SENP6: variants seen among roughly 807,000 people sequenced by gnomAD.
The protein encoded by SENP6 is SUMO specific peptidase 6.
SENP6 carries 41 observed loss-of-function variants against 134.5 expected under a neutral mutation model. The observed-to-expected ratio is 0.30, with a 90% CI of 0.24 to 0.40. The LOEUF (loss-of-function observed/expected upper bound fraction) is 0.40. Among genes scored for constraint, SENP6 ranks in the 10% least tolerant of loss-of-function variants. The pLI is 1.00. For synonymous variants in SENP6, 395 were observed against 429.8 expected, an observed-to-expected ratio of 0.92 and a Z score of 1.00; for missense variants, 1,248 against 1,312.5, an observed-to-expected ratio of 0.95 and a Z score of 0.76.
intron 19 of SENP6, among the ~76,000 whole-genome samples, chr6:75,708,067 TCTC>T (rs774777884): frequency 2.1e-4 from 32 of 152,134 alleles, no homozygotes; most frequent in Non-Finnish European, 3.5e-4. Flanking sequence ...TCTTTTCTCT[TCTC>T]CTTTTTTGAG....
intron 8 of SENP6, 86 bp from the exon 9 acceptor site, chr6:75,663,134 GT>G (rs1771908954): frequency 7.9e-7 from 1 of 1,268,162 alleles, no homozygotes. Flanking sequence ...GGAACTTAAA[GT>G]TTATGAACAC....
chr6:75,625,112 CTTTTTTTTT>C (rs34953351), intron 3 of SENP6, among the ~76,000 whole-genome samples: 1 of 112,174 alleles, frequency 8.9e-6, no homozygotes, highest in African/African-American at 3.4e-5. Context: ...TGTGTGTGTC[CTTTTTTTTT>C]TTTTTTTTTT....
rs1400144549 is a variant in SENP6 at position 75,702,835 on chromosome 6, A to C, written c.2479A>C (p.Met827Leu). The change falls in exon 19 of 24, where the codon ATG becomes CTG. Residue 827 changes from methionine (M) to leucine (L), a missense_variant. Met to Leu is a conservative substitution (Grantham distance 15). Around this residue, in one of 3 missense-constraint regions of SENP6, gnomAD observed 386 missense variants for 395.0 expected, o/e 0.98. Transcript: ENST00000447266. The part of the protein sequence containing the change: ...NSSAKPVIKK[M>L]LNKKHCIAVI... ...TTCTGCCAAGCCTGTAATTAAGAAG[A>C]TGCTAAACAAAAAACATTGCATAGC... The C allele has an allele frequency of 6.2e-7, 1 of 1,614,070 alleles. No individual in the cohort carries two copies. Among genetic ancestry groups the C allele is most frequent in the Non-Finnish European group, 8.5e-7 (1 of 1,180,030 alleles).
At chr6:75,609,448 G>A (rs1031065198) in intron 1 of SENP6, among the ~76,000 whole-genome samples, 2 of 152,198 alleles carry the variant, frequency 1.3e-5, no homozygotes, top group Non-Finnish European at 2.9e-5. Flanking sequence ...AAAGAATACA[G>A]AGCCAGCCCT....
rs1261866098 is a variant in SENP6 at position 75,715,650 on chromosome 6, G to A, written c.*56G>A. ...AGAAACTAAATGACTTTCAAATTTG[G>A]GTATAGACAATAAAGAACTGAAGTG... On this transcript the variant is annotated 3_prime_UTR_variant, in exon 24 of 24. Coordinates refer to ENST00000447266, the MANE Select transcript of SENP6 (RefSeq NM_015571.4). The A allele has an allele frequency of 7.2e-7, 1 of 1,392,890 alleles. No individual in the cohort carries two copies. The highest frequency in any genetic ancestry group is 1.0e-6 in the Non-Finnish European group (1 of 999,972). 86.3% of individuals were successfully genotyped at this position (1,392,890 alleles called of 1,614,324 possible).
chr6:75,679,109 C>CTA, intron 16 of SENP6, 182 bp downstream of exon 16: 1 of 476,956 alleles, frequency 2.1e-6, no homozygotes, highest in South Asian at 2.6e-5. Context: ...AGAATTCTAT[C>CTA]TAAAAAGTTG....
intron 2 of SENP6, among the ~76,000 whole-genome samples, chr6:75,623,670 TTAA>T (rs1447148049): frequency 3.3e-5 from 5 of 152,200 alleles, no homozygotes; most frequent in Non-Finnish European, 5.9e-5. Flanking sequence ...CCTAATTCAG[TTAA>T]TAATTTTTAT....
intron 1 of SENP6, among the ~76,000 whole-genome samples, chr6:75,605,259 A>G (rs1450667789): frequency 6.6e-6 from 1 of 152,164 alleles, no homozygotes; most frequent in Non-Finnish European, 1.5e-5. Context: ...TGCTCATCAC[A>G]TTTACAGCAT....
At chr6:75,704,010 G>A (rs1041444473) in intron 19 of SENP6, among the ~76,000 whole-genome samples, 1 of 152,080 alleles carries the variant, frequency 6.6e-6, no homozygotes, top group Non-Finnish European at 1.5e-5. Flanking sequence ...TTTACACATT[G>A]GTAAATTGAG....
At position 75,666,840 on chromosome 6, in the gene SENP6, A is replaced by T; in HGVS notation, c.1123A>T (p.Asn375Tyr). Residue 375 changes from asparagine (N) to tyrosine (Y), a missense_variant, in exon 10 of 24, where the codon AAT becomes TAT. Physicochemically the swap from Asn to Tyr is moderately radical, Grantham distance 143 (BLOSUM62 -2). Coordinates refer to ENST00000447266, the MANE Select transcript of SENP6 (RefSeq NM_015571.4). ...CACTGGAAAAGTAGAAGCAGCGCTA[A>T]ATGAAAATACTTGCAGAGCAGAGCG... ...PSTGKVEAAL[N>Y]ENTCRAEREL... 1 of 1,613,856 alleles carries T rather than the reference A, an allele frequency of 6.2e-7. No individual in the cohort carries two copies. Among genetic ancestry groups the T allele is most frequent in the Non-Finnish European group, 8.5e-7 (1 of 1,179,764 alleles).
At chr6:75,666,206 A>G (rs1277256198) in intron 9 of SENP6, among the ~76,000 whole-genome samples, 2 of 131,138 alleles carry the variant, frequency 1.5e-5, no homozygotes, top group Non-Finnish European at 3.5e-5. Flanking sequence ...CGTATATATG[A>G]TATATATAAG....
intron 1 of SENP6, among the ~76,000 whole-genome samples, chr6:75,619,772 T>A (rs1768125637): frequency 6.6e-6 from 1 of 152,066 alleles, no homozygotes. Context: ...TCCTAGCCAA[T>A]ACTTGTTACT....
intron 7 of SENP6, among the ~76,000 whole-genome samples, chr6:75,651,844 C>T (rs561187001): frequency 6.6e-6 from 1 of 152,218 alleles, no homozygotes; most frequent in South Asian, 2.1e-4. Flanking sequence ...AGATGACAGA[C>T]ATGGAACCAG....
chr6:75,634,846 A>G (rs762337536), intron 5 of SENP6, 35 bp downstream of exon 5: 32 of 1,349,706 alleles, frequency 2.4e-5, no homozygotes, highest in Non-Finnish European at 3.3e-5. Context: ...TAGTATATAC[A>G]TGGCATCTTC....
Position 75,602,327 on chromosome 6 carries a change from C to T in SENP6, c.-198C>T, listed in dbSNP as rs955781060. On this transcript the variant is annotated 5_prime_UTR_variant, in exon 1 of 24. Coordinates refer to ENST00000447266, the MANE Select transcript of SENP6 (RefSeq NM_015571.4). ...GGCCGCGGGCCTCGCTGCCCGCCAG[C>T]CCGCGGACAGGCCCGGGCGCGCCTG... 1.8e-5 allele frequency: 9 copies of T among 494,040 alleles called. No individual in the cohort carries two copies. The highest frequency in any genetic ancestry group is 8.4e-5 in the Admixed American group (2 of 23,740). The allele number at this position is 494,040 out of a possible 1,614,324, so 30.6% of individuals were successfully genotyped here. A position where few individuals can be genotyped will look rare whatever the true frequency, so the allele number is the denominator to read the frequency against.
intron 16 of SENP6, among the ~76,000 whole-genome samples, chr6:75,692,468 A>C (rs932910229): frequency 9.6e-5 from 7 of 72,542 alleles, no homozygotes; most frequent in Non-Finnish European, 1.8e-4. Flanking sequence ...AAAAACATAC[A>C]AAAAAAAAAT....
In SENP6 at chr6:75,702,760, A is replaced by T; in HGVS notation, c.2404A>T (p.Ser802Cys). The T allele has an allele frequency of 6.2e-7, 1 of 1,614,136 alleles. No individual in the cohort carries two copies. The highest frequency in any genetic ancestry group is 8.5e-7 in the Non-Finnish European group (1 of 1,180,000). ...VIQKCSTVED[S>C]CISSSASEME... Reference sequence around the variant, plus strand: ...ACAGAAATGTTCAACTGTAGAGGACAGTTGTATTTCTTCTTCAGCCAGTGA... The same window carrying T: ...ACAGAAATGTTCAACTGTAGAGGACTGTTGTATTTCTTCTTCAGCCAGTGA... Residue 802 changes from serine (S) to cysteine (C), a missense_variant, in exon 19 of 24, where the codon AGT (serine) becomes TGT (cysteine). Transcript: ENST00000447266.
intron 16 of SENP6, among the ~76,000 whole-genome samples, chr6:75,690,730 G>GT (rs144066090): frequency 0.078 from 11,601 of 148,660 alleles, 978 homozygotes; most frequent in African/African-American, 0.22. Flanking sequence ...GTCTCGCTCT[G>GT]TCACCCAGGC....
Position 75,715,883 on chromosome 6 carries a change from TAAA to T in SENP6, c.*292_*294del, listed in dbSNP as rs1233208567. 3.1e-5 allele frequency: 6 copies of T among 195,014 alleles called. No homozygotes were observed. Among genetic ancestry groups the T allele is most frequent in the Non-Finnish European group, 6.3e-5 (6 of 95,980 alleles). 12.1% of individuals were successfully genotyped at this position (195,014 alleles called of 1,614,324 possible). ...TAAAATTGCAACTTCTAAACACAAA[TAAA>T]AAGAAAATATTTATAGGAGGAAATG... On this transcript the variant is annotated 3_prime_UTR_variant, in exon 24 of 24. Coordinates refer to ENST00000447266, the MANE Select transcript of SENP6 (RefSeq NM_015571.4).
Sources: gnomAD v4.1 joint callset for allele counts (sites outside exome capture counted in the v4.1 genomes callset) on GRCh38, gnomAD v4.1.1 for gene constraint, gnomAD v4.1.1 regional missense constraint, MANE v1.5 for transcripts, NCBI Gene and HGNC (gene_info 2026-07-23, HGNC 2026-07-21) for gene names.